Variants in STAU2 observed in about 807,000 individuals in gnomAD.
STAU2 encodes the protein staufen double-stranded RNA binding protein 2, also known as double-stranded RNA-binding protein Staufen homolog 2.
In STAU2, 20 loss-of-function variants were observed where a neutral mutation model predicts 65.9. That is an observed-to-expected ratio of 0.30 (90% CI 0.21 to 0.44). STAU2 has a LOEUF of 0.44. Among genes scored for constraint, STAU2 ranks in the 20% least tolerant of loss-of-function variants. The pLI, the probability that STAU2 is intolerant of heterozygous loss-of-function variation, is 1.00. For missense variants in STAU2, 558 were observed against 683.9 expected (o/e 0.82, Z 2.05); for synonymous variants, 232 against 233.9 (o/e 0.99, Z 0.07).
chr8:73,628,240 A>AT (rs36043885), intron 6 of STAU2, among the ~76,000 whole-genome samples: 27,982 of 146,444 alleles, frequency 0.19, 2,792 homozygotes, highest in East Asian at 0.37. Context: ...TGCCTGGCTA[A>AT]TTTTTTTTTT....
At chr8:73,700,455 TAAAC>T (rs1820017855) in intron 4 of STAU2, among the ~76,000 whole-genome samples, 1 of 152,014 alleles carries the variant, frequency 6.6e-6, no homozygotes, top group Non-Finnish European at 1.5e-5. Context: ...TTAGAACAGA[TAAAC>T]AAATTTAGTA....
intron 6 of STAU2, among the ~76,000 whole-genome samples, chr8:73,667,368 T>G (rs1396529504): frequency 6.6e-6 from 1 of 152,158 alleles, no homozygotes; most frequent in African/African-American, 2.4e-5. Flanking sequence ...GCATGGACAA[T>G]TCAGGACATT....
chr8:73,468,367 G>A (rs749427134), intron 13 of STAU2, among the ~76,000 whole-genome samples: 4 of 152,152 alleles, frequency 2.6e-5, no homozygotes, highest in Non-Finnish European at 5.9e-5. Context: ...AGAAAACCTA[G>A]GCAATACCGT....
intron 4 of STAU2, among the ~76,000 whole-genome samples, chr8:73,693,403 A>T (rs1341266674): frequency 6.8e-6 from 1 of 146,798 alleles, no homozygotes; most frequent in African/African-American, 2.5e-5. Flanking sequence ...TGAACCCGGG[A>T]GGTGGAGCTT....
intron 4 of STAU2, among the ~76,000 whole-genome samples, chr8:73,704,903 A>G (rs542982578): frequency 1.3e-5 from 2 of 152,272 alleles, no homozygotes; most frequent in South Asian, 4.1e-4. Flanking sequence ...TCCTGATCTC[A>G]TAATCTGCCC....
chr8:73,510,299 A>G (rs560795483), intron 13 of STAU2, among the ~76,000 whole-genome samples: 70 of 152,050 alleles, frequency 4.6e-4, no homozygotes, highest in African/African-American at 1.7e-3. Context: ...CGAACTCCCA[A>G]TCTCATGTGA....
intron 5 of STAU2, among the ~76,000 whole-genome samples, chr8:73,686,693 T>A (rs1208337807): frequency 6.6e-6 from 1 of 151,278 alleles, no homozygotes; most frequent in African/African-American, 2.4e-5. Context: ...GAAGAATTTA[T>A]CAATGTAACC....
chr8:73,480,997 T>C (rs1820579612), intron 13 of STAU2, among the ~76,000 whole-genome samples: 1 of 152,152 alleles, frequency 6.6e-6, no homozygotes. Flanking sequence ...TCATAAAAAG[T>C]ATAACACATA....
At chr8:73,663,304 T>C (rs1303178708) in intron 6 of STAU2, among the ~76,000 whole-genome samples, 4 of 152,208 alleles carry the variant, frequency 2.6e-5, no homozygotes, top group African/African-American at 7.2e-5. Flanking sequence ...TATCATTTTA[T>C]TTTTGATGTT....
At chr8:73,594,124 T>C (rs922630643) in intron 11 of STAU2, among the ~76,000 whole-genome samples, 1 of 152,186 alleles carries the variant, frequency 6.6e-6, no homozygotes, top group Non-Finnish European at 1.5e-5. Flanking sequence ...AAACAACATA[T>C]ATACAATATA....
intron 6 of STAU2, among the ~76,000 whole-genome samples, chr8:73,649,870 TA>T (rs1320857798): frequency 3.6e-4 from 6 of 16,722 alleles, no homozygotes; most frequent in African/African-American, 1.1e-3. Context: ...TATATAATTT[TA>T]TATATATATA....
intron 13 of STAU2, among the ~76,000 whole-genome samples, chr8:73,547,727 T>C (rs967959222): frequency 2.6e-5 from 4 of 152,218 alleles, no homozygotes; most frequent in African/African-American, 9.6e-5. Context: ...TTGCTCATTG[T>C]AGTCTAAGTA....
At chr8:73,620,286 C>T (rs1046749729) in intron 6 of STAU2, among the ~76,000 whole-genome samples, 4 of 152,112 alleles carry the variant, frequency 2.6e-5, no homozygotes, top group Non-Finnish European at 2.9e-5. Context: ...AGTGAGATCT[C>T]ATATGGCAAA....
intron 13 of STAU2, among the ~76,000 whole-genome samples, chr8:73,530,484 G>C (rs573760203): frequency 6.6e-6 from 1 of 152,292 alleles, no homozygotes; most frequent in African/African-American, 2.4e-5. Context: ...GAGAAATACA[G>C]TATTTCCAGC....
At chr8:73,708,890 T>C in intron 4 of STAU2, 142 bp downstream of exon 4, 1 of 690,648 alleles carries the variant, frequency 1.4e-6, no homozygotes, top group Non-Finnish European at 2.1e-6. Context: ...TTACATACTT[T>C]GAAATATTAT....
chr8:73,714,963 C>A (rs1289818024), intron 3 of STAU2, among the ~76,000 whole-genome samples: 1 of 151,502 alleles, frequency 6.6e-6, no homozygotes, highest in African/African-American at 2.4e-5. Context: ...TGCCTGTAAT[C>A]CCAGCTACTC....
chr8:73,527,532 C>T, intron 13 of STAU2: 1 of 456,312 alleles, frequency 2.2e-6, no homozygotes, highest in Non-Finnish European at 3.9e-6. Context: ...ATCAATTTCC[C>T]AACACAAACA....
At chr8:73,697,778 C>G (rs913369327) in intron 4 of STAU2, among the ~76,000 whole-genome samples, 1 of 152,076 alleles carries the variant, frequency 6.6e-6, no homozygotes, top group Non-Finnish European at 1.5e-5. Flanking sequence ...TAAAATAATG[C>G]GTTATAAGTA....
intron 13 of STAU2, among the ~76,000 whole-genome samples, chr8:73,471,471 A>T (rs1035475291): frequency 6.6e-6 from 1 of 150,792 alleles, no homozygotes; most frequent in African/African-American, 2.4e-5. Context: ...TACAGGCATG[A>T]ACTACTGTGC....
Sources: gnomAD v4.1 joint callset for allele counts (sites outside exome capture counted in the v4.1 genomes callset) on GRCh38, gnomAD v4.1.1 for gene constraint, MANE v1.5 for transcripts, NCBI Gene and HGNC (gene_info 2026-07-23, HGNC 2026-07-21) for gene names.